The following FBN2 variants were observed in gnomAD, a reference collection of about 807,000 sequenced individuals.
FBN2 encodes fibrillin-2.
A neutral mutation model predicts 355.6 loss-of-function variants in FBN2; 105 were observed. The observed-to-expected ratio is 0.30, with a 90% CI of 0.25 to 0.35. The LOEUF (loss-of-function observed/expected upper bound fraction) is 0.35, where lower values mean the gene tolerates loss of function less well. Among genes scored for constraint, FBN2 ranks in the 10% least tolerant of loss-of-function variants. FBN2 has a pLI of 1.00. For missense variants in FBN2, 3,280 were observed against 3,758.7 expected, an observed-to-expected ratio of 0.87 and a Z score of 3.33; for synonymous variants, 1,350 against 1,301.2, an observed-to-expected ratio of 1.04 and a Z score of -0.81.
At chr5:128,442,495 T>C (rs1753948959) in intron 7 of FBN2, 1 of 331,886 alleles carries the variant, frequency 3.0e-6, no homozygotes. Flanking sequence ...AAATGGATAT[T>C]TAAATTAATG....
At chr5:128,320,757 A>G (rs1479210422) in intron 34 of FBN2, among the ~76,000 whole-genome samples, 1 of 152,244 alleles carries the variant, frequency 6.6e-6, no homozygotes, top group South Asian at 2.1e-4. Flanking sequence ...AAGCTAAAAC[A>G]ATTTGTATGC....
At chr5:128,326,391 T>C (rs1440014974) in intron 34 of FBN2, among the ~76,000 whole-genome samples, 1 of 152,206 alleles carries the variant, frequency 6.6e-6, no homozygotes, top group African/African-American at 2.4e-5. Context: ...ATGGTCTGTA[T>C]GTAGGTCTGT....
chr5:128,317,314 TAGAC>T (rs1750229497), intron 36 of FBN2, among the ~76,000 whole-genome samples: 2 of 152,178 alleles, frequency 1.3e-5, no homozygotes, highest in African/African-American at 2.4e-5. Context: ...CTCCAGCCCT[TAGAC>T]AGAAGGCACT....
At chr5:128,330,723 A>G (rs200735352) in intron 32 of FBN2, 28 bp from the exon 33 acceptor site, 256 of 1,613,210 alleles carry the variant, frequency 1.6e-4, no homozygotes, top group Non-Finnish European at 2.1e-4. Context: ...AAAGTTCAGA[A>G]ATGAAAATGG....
intron 5 of FBN2, among the ~76,000 whole-genome samples, chr5:128,480,759 G>A (rs753599468): frequency 1.3e-5 from 2 of 152,030 alleles, no homozygotes; most frequent in African/African-American, 2.4e-5. Flanking sequence ...CCTCAGCACC[G>A]GTTAGCTGTG....
intron 14 of FBN2, among the ~76,000 whole-genome samples, 181 bp downstream of exon 14, chr5:128,376,550 T>C (rs1002666417): frequency 1.3e-5 from 2 of 152,224 alleles, no homozygotes; most frequent in African/African-American, 4.8e-5. Context: ...GATATGACTG[T>C]TCCCTAGACC....
intron 11 of FBN2, among the ~76,000 whole-genome samples, chr5:128,382,514 T>A (rs1255698906): frequency 6.6e-6 from 1 of 152,070 alleles, no homozygotes; most frequent in Non-Finnish European, 1.5e-5. Flanking sequence ...TGTTGTTGAC[T>A]CCTAAATCTG....
intron 33 of FBN2, among the ~76,000 whole-genome samples, chr5:128,330,237 G>C (rs1750655776): frequency 6.6e-6 from 1 of 152,178 alleles, no homozygotes; most frequent in South Asian, 2.1e-4. Flanking sequence ...GGCAAAAAAT[G>C]GCATAGGCAA....
intron 7 of FBN2, among the ~76,000 whole-genome samples, chr5:128,438,401 A>C (rs1417469942): frequency 2.0e-5 from 3 of 152,244 alleles, no homozygotes; most frequent in African/African-American, 7.2e-5. Context: ...CTTTTACTTC[A>C]AGTCACTAAA....
chr5:128,420,310 C>A (rs1051361416), intron 7 of FBN2, among the ~76,000 whole-genome samples: 1 of 152,136 alleles, frequency 6.6e-6, no homozygotes, highest in South Asian at 2.1e-4. Context: ...AACAAGAAAT[C>A]TGGCATACTA....
intron 33 of FBN2, 143 bp downstream of exon 33, chr5:128,330,430 A>G (rs1750662940): frequency 1.0e-5 from 8 of 800,966 alleles, no homozygotes; most frequent in Non-Finnish European, 1.7e-5. Flanking sequence ...TGTAAGAGAA[A>G]GATACATAGT....
intron 7 of FBN2, among the ~76,000 whole-genome samples, chr5:128,435,549 C>A (rs1753749900): frequency 6.6e-6 from 1 of 151,986 alleles, no homozygotes; most frequent in African/African-American, 2.4e-5. Context: ...CATTATTATT[C>A]CTATTGTAAA....
chr5:128,327,925 A>G (rs1581218848), intron 34 of FBN2: 1 of 152,412 alleles, frequency 6.6e-6, no homozygotes, highest in African/African-American at 2.4e-5. Context: ...GGCGTGAGCC[A>G]CCACGCCTGG....
chr5:128,442,487 A>T lies in FBN2; in HGVS notation c.952+3994T>A, dbSNP rs1026987589. On this transcript the variant is annotated intron_variant, in intron 7 of 64. Transcript: ENST00000262464. Reference sequence around the variant, plus strand: ...TCCTTCCCTTCTTCATTTAAATTAAATGGATATTTAAATTAATGGATGTTT... The same window carrying T: ...TCCTTCCCTTCTTCATTTAAATTAATTGGATATTTAAATTAATGGATGTTT... 1.2e-5 allele frequency: 4 copies of T among 333,262 alleles called. No homozygotes were observed. The Admixed American group carries it at 1.6e-4, about 13-fold the overall frequency. The allele number at this position is 333,262 out of a possible 1,614,324, so 20.6% of individuals were successfully genotyped here. A position where few individuals can be genotyped will look rare whatever the true frequency, so the allele number is the denominator to read the frequency against.
At chr5:128,430,505 T>C (rs980272937) in intron 7 of FBN2, among the ~76,000 whole-genome samples, 9 of 152,186 alleles carry the variant, frequency 5.9e-5, no homozygotes, top group Non-Finnish European at 8.8e-5. Flanking sequence ...TCTAAGCCTA[T>C]AGCAGTAGTT....
At chr5:128,537,182 A>G (rs913763650) in intron 1 of FBN2, among the ~76,000 whole-genome samples, 168 bp downstream of exon 1, 1 of 149,938 alleles carries the variant, frequency 6.7e-6, no homozygotes, top group African/African-American at 2.5e-5. Context: ...GTTGGGAAGG[A>G]AAAGGGGGAC....
chr5:128,374,867 TGAAGA>T, intron 14 of FBN2, 117 bp from the exon 15 acceptor site: 2 of 1,107,690 alleles, frequency 1.8e-6, no homozygotes, highest in Non-Finnish European at 2.7e-6. Context: ...TTATAATTTG[TGAAGA>T]ACAAATAAGT....
Position 128,350,855 on chromosome 5 carries a change from A to G in FBN2, c.2812+13T>C, listed in dbSNP as rs777448013. 4.3e-6 allele frequency: 7 copies of G among 1,613,946 alleles called. No individual in the cohort carries two copies. The highest frequency in any genetic ancestry group is 2.7e-5 in the African/African-American group (2 of 74,936). On this transcript the variant is annotated intron_variant, in intron 21 of 64. Transcript: ENST00000262464. Reference sequence around the variant, plus strand: ...CCAAGGAGAAGCCCAGAAGCTCCCAATAAGGCTCCTACCTAGTTCACACCG... The same window carrying G: ...CCAAGGAGAAGCCCAGAAGCTCCCAGTAAGGCTCCTACCTAGTTCACACCG...
intron 5 of FBN2, among the ~76,000 whole-genome samples, chr5:128,491,450 G>T (rs1258746076): frequency 6.6e-6 from 1 of 152,210 alleles, no homozygotes; most frequent in Admixed American, 6.5e-5. Context: ...TGCAGGGTCA[G>T]ATGGTAACTG....
Sources: allele counts gnomAD v4.1 joint callset (sites outside exome capture counted in the v4.1 genomes callset), GRCh38; gene constraint gnomAD v4.1.1; transcripts MANE v1.5; gene names NCBI Gene and HGNC (gene_info 2026-07-23, HGNC 2026-07-21).